LRIF1: variants seen among roughly 807,000 people sequenced by gnomAD.
LRIF1 encodes the protein ligand dependent nuclear receptor interacting factor 1.
A neutral mutation model predicts 52.7 loss-of-function variants in LRIF1; 32 were observed. The ratio of observed to expected loss-of-function variants is 0.61; its 90% confidence interval spans 0.46 to 0.82. The LOEUF (loss-of-function observed/expected upper bound fraction) is 0.82. LRIF1 is among the 40% of genes least tolerant of loss of function. The pLI, the probability that LRIF1 is intolerant of heterozygous loss-of-function variation, is 0.00. For missense variants in LRIF1, 887 were observed against 892.0 expected, an observed-to-expected ratio of 0.99 and a Z score of 0.07; for synonymous variants, 323 against 317.4, an observed-to-expected ratio of 1.02 and a Z score of -0.19.
the LRIF1 span, chr1:110,892,565 G>A: frequency 3.8e-6 from 6 of 1,560,616 alleles, no homozygotes; most frequent in African/African-American, 1.4e-5. Context: ...GGTGCCCCAA[G>A]TCGGGGAGAT....
chr1:110,937,084 A>G, the LRIF1 span: 1 of 152,094 alleles, frequency 6.6e-6, no homozygotes. Flanking sequence ...TATAAACCAA[A>G]TATTATTAGA....
chr1:110,898,914 C>G, the LRIF1 span, among the ~76,000 whole-genome samples: 2 of 152,156 alleles, frequency 1.3e-5, no homozygotes, highest in Non-Finnish European at 2.9e-5. Flanking sequence ...ACTTTACAGC[C>G]TGTTATCTTG....
the LRIF1 span, among the ~76,000 whole-genome samples, chr1:110,925,231 G>A: frequency 6.6e-6 from 1 of 152,072 alleles, no homozygotes; most frequent in African/African-American, 2.4e-5. Context: ...TCAGTTGAAG[G>A]CCTTAAGAAA....
At chr1:110,886,869 A>ATATATATATATATAT in the LRIF1 span, among the ~76,000 whole-genome samples, 37 of 82,780 alleles carry the variant, frequency 4.5e-4, no homozygotes, top group East Asian at 6.7e-4. Flanking sequence ...ATATATATAT[A>ATATATATATATATAT]TTTTTTTTTT....
At chr1:110,895,666 T>C in the LRIF1 span, among the ~76,000 whole-genome samples, 1 of 152,214 alleles carries the variant, frequency 6.6e-6, no homozygotes, top group African/African-American at 2.4e-5. Context: ...TGGGTAGCCC[T>C]GGGGAAGTCA....
At chr1:110,906,924 A>G in the LRIF1 span, among the ~76,000 whole-genome samples, 4 of 152,210 alleles carry the variant, frequency 2.6e-5, no homozygotes, top group Non-Finnish European at 5.9e-5. Context: ...ATATTGATAC[A>G]TATTTTAAGG....
chr1:110,951,134 T>C (rs886489210), intron 2 of LRIF1, among the ~76,000 whole-genome samples, 154 bp downstream of exon 2: 2 of 152,198 alleles, frequency 1.3e-5, no homozygotes, highest in Non-Finnish European at 2.9e-5. Context: ...TTTGCTCAGA[T>C]GGAAGTTTTG....
chr1:110,898,743 A>C, the LRIF1 span, among the ~76,000 whole-genome samples: 1 of 152,154 alleles, frequency 6.6e-6, no homozygotes, highest in Non-Finnish European at 1.5e-5. Context: ...GTTAAAACTC[A>C]ATCAGGAAGC....
At chr1:110,942,044 T>C in the LRIF1 span, 10 of 152,112 alleles carry the variant, frequency 6.6e-5, no homozygotes, top group Admixed American at 5.2e-4. Context: ...TATTAGTTCA[T>C]AGAGCTCTTC....
At chr1:110,923,540 G>T in the LRIF1 span, among the ~76,000 whole-genome samples, 1 of 151,844 alleles carries the variant, frequency 6.6e-6, no homozygotes, top group Non-Finnish European at 1.5e-5. Context: ...ATGCAATTTT[G>T]GTAGAAATCA....
chr1:110,957,470 CAA>C lies in LRIF1; in HGVS notation c.69-4657_69-4656del, dbSNP rs34396800. Reference sequence around the variant, plus strand: ...TGGGCGACAAAGCAAGACTCAGTCTCAAAAAAAAAAAAAAAAAAAAAAGACTG... The same window carrying C: ...TGGGCGACAAAGCAAGACTCAGTCTCAAAAAAAAAAAAAAAAAAAAGACTG... On this transcript the variant is annotated intron_variant, in intron 1 of 3. Transcript: ENST00000369763. Among the ~76,000 whole-genome samples the C allele has an allele frequency of 5.6e-4, 24 of 42,794 alleles. 1 individual carries two copies. The South Asian group carries it at 0.01, about 19-fold the overall frequency. 28.1% of individuals were successfully genotyped at this position (42,794 alleles called of 152,430 possible). A position where few individuals can be genotyped will look rare whatever the true frequency, so the allele number is the denominator to read the frequency against.
the LRIF1 span, among the ~76,000 whole-genome samples, chr1:110,916,616 C>T: frequency 6.6e-6 from 1 of 151,902 alleles, no homozygotes; most frequent in Non-Finnish European, 1.5e-5. Context: ...TCTAAATGTA[C>T]AAATAAAAAA....
intron 1 of LRIF1, 71 bp from the exon 2 acceptor site, chr1:110,952,886 TTGTAAA>T (rs1658543910): frequency 1.3e-6 from 1 of 777,240 alleles, no homozygotes; most frequent in African/African-American, 1.8e-5. Flanking sequence ...AAATAAATAT[TTGTAAA>T]TATTTGTAAA....
Position 110,951,586 on chromosome 1 carries a change from T to C in LRIF1, c.1298A>G (p.Gln433Arg), listed in dbSNP as rs777303728. The C allele has an allele frequency of 1.4e-5, 22 of 1,614,020 alleles. No homozygotes were observed. The highest frequency in any genetic ancestry group is 1.9e-5 in the Non-Finnish European group (22 of 1,180,022). Residue 433 changes from glutamine (Q) to arginine (R), a missense_variant, in exon 2 of 4, where the codon CAG (glutamine) becomes CGG (arginine). Coordinates refer to ENST00000369763, the MANE Select transcript of LRIF1 (RefSeq NM_018372.4). ...QMETKSLSNT[Q>R]LASMANLRAE... is the part of the protein sequence containing the mutation. The stretch of plus-strand genomic sequence containing the variant: ...CCTTAGATTGGCCATGGAAGCAAGC[T>C]GGGTATTGGAAAGTGATTTTGTCTC...
chr1:110,907,561 CT>C, the LRIF1 span, among the ~76,000 whole-genome samples: 2 of 151,894 alleles, frequency 1.3e-5, no homozygotes, highest in African/African-American at 4.8e-5. Flanking sequence ...GTGAAACCCC[CT>C]CTCCACTAAA....
At chr1:110,951,210 T>G (rs528116234) in intron 2 of LRIF1, 78 bp downstream of exon 2, 26 of 1,168,862 alleles carry the variant, frequency 2.2e-5, no homozygotes, top group Non-Finnish European at 2.9e-5. Context: ...AGAGGTATCA[T>G]AGATAACTTT....
intron 2 of LRIF1, 38 bp downstream of exon 2, chr1:110,951,250 A>G (rs768339376): frequency 6.6e-7 from 1 of 1,507,238 alleles, no homozygotes. Context: ...TTTTCTATAT[A>G]GATATATAAA....
the LRIF1 span, among the ~76,000 whole-genome samples, chr1:110,898,385 A>AAG: frequency 9.9e-5 from 15 of 151,194 alleles, no homozygotes; most frequent in South Asian, 2.9e-3. Flanking sequence ...TCCAGAAAAA[A>AAG]AAAAAAAAAA....
At chr1:110,899,713 A>G in the LRIF1 span, 1 of 155,114 alleles carries the variant, frequency 6.4e-6, no homozygotes, top group Non-Finnish European at 1.4e-5. Flanking sequence ...CCAAAGGGCA[A>G]GATCTCATTT....
Sources: gnomAD v4.1 joint callset for allele counts (sites outside exome capture counted in the v4.1 genomes callset) on GRCh38, gnomAD v4.1.1 for gene constraint, MANE v1.5 for transcripts, NCBI Gene and HGNC (gene_info 2026-07-23, HGNC 2026-07-21) for gene names.